FBXO3: variants seen among roughly 807,000 people sequenced by gnomAD.
The protein encoded by FBXO3 is F-box protein 3.
In FBXO3, 17 loss-of-function variants were observed where a neutral mutation model predicts 64.8. The observed-to-expected ratio is 0.26, with a 90% CI of 0.18 to 0.39. The LOEUF (loss-of-function observed/expected upper bound fraction) is 0.39. Among genes scored for constraint, FBXO3 ranks in the 10% least tolerant of loss-of-function variants. The probability of loss-of-function intolerance (pLI) is 1.00; values close to 1 mark genes in which losing one functional copy is unlikely to be tolerated. For synonymous variants in FBXO3, 182 were observed against 201.6 expected (o/e 0.90, Z 0.82); for missense variants, 420 against 589.9 (o/e 0.71, Z 2.98).
intron 10 of FBXO3, chr11:33,744,867 C>A (rs1172171178): frequency 1.3e-5 from 2 of 152,236 alleles, no homozygotes; most frequent in East Asian, 1.9e-4. Flanking sequence ...TTAATACAAT[C>A]CACATAAGCA....
intron 10 of FBXO3, chr11:33,746,340 T>G (rs1854812215): frequency 3.4e-6 from 1 of 292,790 alleles, no homozygotes; most frequent in Non-Finnish European, 6.4e-6. Flanking sequence ...CTGTAGATTC[T>G]TTTCACTAGA....
At chr11:33,768,825 G>A in intron 3 of FBXO3, 26 bp downstream of exon 3, 1 of 1,613,132 alleles carries the variant, frequency 6.2e-7, no homozygotes, top group Admixed American at 1.7e-5. Context: ...ATGGAAACGG[G>A]GAAAGGGACC....
chr11:33,754,118 C>G (rs1005477031), intron 6 of FBXO3: 2 of 189,926 alleles, frequency 1.1e-5, no homozygotes, highest in Admixed American at 1.2e-4. Context: ...ATATCTGTAT[C>G]CCCAATTATA....
chr11:33,765,161 A>G (rs1855336706), intron 3 of FBXO3, among the ~76,000 whole-genome samples: 1 of 152,188 alleles, frequency 6.6e-6, no homozygotes, highest in Non-Finnish European at 1.5e-5. Context: ...AGTTAATAGT[A>G]ATGTGCCAAT....
chr11:33,759,679 C>A (rs1222499295), intron 3 of FBXO3, among the ~76,000 whole-genome samples: 1 of 152,034 alleles, frequency 6.6e-6, no homozygotes, highest in Non-Finnish European at 1.5e-5. Flanking sequence ...TTAAAAACAA[C>A]TAGGCCTATA....
At chr11:33,745,295 A>G (rs1044580027) in intron 10 of FBXO3, 2 of 150,940 alleles carry the variant, frequency 1.3e-5, no homozygotes, top group African/African-American at 4.9e-5. Context: ...TAGGACAAAG[A>G]CCAAAAAAAA....
chr11:33,750,738 T>C (rs1372222339), intron 7 of FBXO3, 77 bp from the exon 8 acceptor site: 2 of 1,351,924 alleles, frequency 1.5e-6, no homozygotes, highest in Non-Finnish European at 2.0e-6. Flanking sequence ...GGTTATACTT[T>C]AGGACAAAAA....
Position 33,741,730 on chromosome 11 carries a change from C to A in FBXO3, c.*178G>T. Reference sequence around the variant, plus strand: ...CATTTCTTCCTCTACCTCAAAAACACAAAGCAAACCCAAACAATCCAATTC... The same window carrying A: ...CATTTCTTCCTCTACCTCAAAAACAAAAAGCAAACCCAAACAATCCAATTC... On this transcript the variant is annotated 3_prime_UTR_variant, in exon 11 of 11. Transcript: ENST00000265651. 2.0e-6 allele frequency: 1 copy of A among 511,466 alleles called. No individual in the cohort carries two copies. Among genetic ancestry groups the A allele is most frequent in the Non-Finnish European group, 3.1e-6 (1 of 327,506 alleles). 31.7% of individuals were successfully genotyped at this position (511,466 alleles called of 1,614,324 possible). A position where few individuals can be genotyped will look rare whatever the true frequency, so the allele number is the denominator to read the frequency against.
chr11:33,754,660 CAG>C (rs1414437187), intron 5 of FBXO3, among the ~76,000 whole-genome samples, 160 bp from the exon 6 acceptor site: 7 of 152,030 alleles, frequency 4.6e-5, no homozygotes, highest in African/African-American at 1.7e-4. Context: ...GGTTCTGAAT[CAG>C]AGTCAAGAGA....
chr11:33,768,883 G>A lies in FBXO3; in HGVS notation c.326C>T (p.Pro109Leu). ...AGATAAAACCATCCGAGGACACCTG[G>A]GCTCCAAATATTTCTTGAGATCATC... ...AWDDLKKYLEPRCPRMVLSLK... is the reference protein window; with the variant it reads ...AWDDLKKYLELRCPRMVLSLK... The change falls in exon 3 of 11, where the codon CCC (proline) becomes CTC (leucine). Residue 109 changes from proline (P) to leucine (L), a missense_variant. Around this residue, in one of 3 missense-constraint regions of FBXO3, gnomAD observed 337 missense variants for 518.4 expected, o/e 0.65. Transcript: ENST00000265651. 1.9e-6 allele frequency: 3 copies of A among 1,613,970 alleles called. No individual in the cohort carries two copies. Among genetic ancestry groups the A allele is most frequent in the Non-Finnish European group, 2.5e-6 (3 of 1,179,952 alleles).
intron 3 of FBXO3, 121 bp downstream of exon 3, chr11:33,768,730 A>T (rs187370840): frequency 8.6e-7 from 1 of 1,158,344 alleles, no homozygotes; most frequent in East Asian, 2.3e-5. Flanking sequence ...ATGAACAGTA[A>T]ATCACAGACA....
chr11:33,751,646 A>G lies in FBXO3; in HGVS notation c.725-39T>C, dbSNP rs776663990. On this transcript the variant is annotated intron_variant, in intron 6 of 10. Coordinates refer to ENST00000265651, the MANE Select transcript of FBXO3 (RefSeq NM_012175.4). ...AAGGGAGAAAAAAAGAAAAGAACAA[A>G]TAGTTTTGTAAAATCTATACAGGAA... The G allele has an allele frequency of 4.7e-6, 6 of 1,264,074 alleles. 1 individual carries two copies. The South Asian group carries it at 5.2e-5, about 11-fold the overall frequency. 78.3% of individuals were successfully genotyped at this position (1,264,074 alleles called of 1,614,324 possible).
At chr11:33,760,504 A>G (rs1476879699) in intron 3 of FBXO3, among the ~76,000 whole-genome samples, 1 of 151,866 alleles carries the variant, frequency 6.6e-6, no homozygotes, top group African/African-American at 2.4e-5. Flanking sequence ...AAAATTAGCC[A>G]GGGATGGTGT....
rs1159322688 is a variant in FBXO3, at chr11:33,743,352, A to G, written c.1240-1268T>C. 1 of 152,206 alleles carries G rather than the reference A, an allele frequency of 6.6e-6. No individual in the cohort carries two copies. The highest frequency in any genetic ancestry group is 2.4e-5 in the African/African-American group (1 of 41,446). The allele number at this position is 152,206 out of a possible 1,614,324, so 9.4% of individuals were successfully genotyped here. On this transcript the variant is annotated intron_variant, in intron 10 of 10. Coordinates refer to ENST00000265651, the MANE Select transcript of FBXO3 (RefSeq NM_012175.4). This position sits in a 1 kb window ranked among gnomAD's most constrained non-coding sequence, Gnocchi z 4.6. ...ATCTGAATATCTCTTGGAAATGTCA[A>G]TTCTGCCCATGCAATGTCTGTAATC...
rs940483457 is a variant in FBXO3, at chr11:33,754,952, G to A, written c.679-452C>T. Among the ~76,000 whole-genome samples, 3 of 147,578 alleles carry A rather than the reference G, an allele frequency of 2.0e-5. No homozygotes were observed. In the East Asian group the frequency reaches 6.0e-4, roughly 30 times the overall value. ...TCGATCTCAGCTCACTATGACCTCC[G>A]CCTCCCGGATTCAAGCAATTCTCCT... On this transcript the variant is annotated intron_variant, in intron 5 of 10. Coordinates refer to ENST00000265651, the MANE Select transcript of FBXO3 (RefSeq NM_012175.4).
At chr11:33,757,547 A>G (rs949329106) in intron 4 of FBXO3, among the ~76,000 whole-genome samples, 3 of 144,284 alleles carry the variant, frequency 2.1e-5, no homozygotes, top group Non-Finnish European at 4.6e-5. Flanking sequence ...AGCCAGGCAC[A>G]GTGGTATATG....
At position 33,741,613 on chromosome 11, in the gene FBXO3, T is replaced by C. The variant is rs926424770; in HGVS notation, c.*295A>G. The C allele has an allele frequency of 9.6e-6, 2 of 208,026 alleles. No individual in the cohort carries two copies. The highest frequency in any genetic ancestry group is 1.9e-5 in the Non-Finnish European group (2 of 105,266). The allele number at this position is 208,026 out of a possible 1,614,324, so 12.9% of individuals were successfully genotyped here. ...TTCCCTCTCCATTTCTAGATTTTTG[T>C]AAGTATAAAATATTTTAAAACAAAG... On this transcript the variant is annotated 3_prime_UTR_variant, in exon 11 of 11. Transcript: ENST00000265651.
chr11:33,754,687 G>C (rs1010314094), intron 5 of FBXO3, among the ~76,000 whole-genome samples, 187 bp from the exon 6 acceptor site: 1 of 152,108 alleles, frequency 6.6e-6, no homozygotes, highest in East Asian at 1.9e-4. Context: ...AACAGTTCTA[G>C]GTTACTCATT....
intron 9 of FBXO3, among the ~76,000 whole-genome samples, chr11:33,748,313 AAT>A (rs1273830076): frequency 5.3e-5 from 8 of 152,218 alleles, no homozygotes; most frequent in African/African-American, 1.9e-4. Context: ...ACATAGCATA[AAT>A]ATGTTATTTT....
Sources: gnomAD v4.1 joint callset for allele counts (sites outside exome capture counted in the v4.1 genomes callset) on GRCh38, gnomAD v4.1.1 for gene constraint, gnomAD v4.1.1 regional missense constraint, Gnocchi (gnomAD v3.1) non-coding constraint, MANE v1.5 for transcripts, NCBI Gene and HGNC (gene_info 2026-07-23, HGNC 2026-07-21) for gene names.